The following RNF217 variants were observed in gnomAD, a reference collection of about 807,000 sequenced individuals.
RNF217 encodes the protein E3 ubiquitin-protein ligase RNF217.
In RNF217, 31 loss-of-function variants were observed where a neutral mutation model predicts 57.8. The ratio of observed to expected loss-of-function variants is 0.54; its 90% confidence interval spans 0.40 to 0.72. The LOEUF is 0.72. Ranked by LOEUF, RNF217 falls within the 30% of genes least tolerant of loss-of-function variation. The probability of loss-of-function intolerance (pLI) is 0.00; values close to 1 mark genes in which losing one functional copy is unlikely to be tolerated. For missense variants in RNF217, 696 were observed against 708.3 expected (o/e 0.98, Z 0.20); for synonymous variants, 313 against 294.0 (o/e 1.06, Z -0.66).
chr6:125,075,940 A>G lies in RNF217; in HGVS notation c.1282-717A>G, dbSNP rs568125320. On this transcript the variant is annotated intron_variant, in intron 3 of 5. Coordinates refer to ENST00000521654, the MANE Select transcript of RNF217 (RefSeq NM_001286398.3). ...GTGTATGTATATATACCATACCACC[A>G]CTGTATGGTATATATGGTATACATA... Among the ~76,000 whole-genome samples, 47 of 152,180 alleles carry G rather than the reference A, an allele frequency of 3.1e-4. No homozygotes were observed. The South Asian group carries it at 9.5e-3, about 31-fold the overall frequency.
At chr6:124,973,377 T>C (rs1388518087) in intron 1 of RNF217, among the ~76,000 whole-genome samples, 1 of 152,226 alleles carries the variant, frequency 6.6e-6, no homozygotes, top group African/African-American at 2.4e-5. Flanking sequence ...TCCTTTTCAC[T>C]CTGCCACCAC....
At chr6:125,066,941 C>T (rs1480271763) in intron 3 of RNF217, among the ~76,000 whole-genome samples, 1 of 152,112 alleles carries the variant, frequency 6.6e-6, no homozygotes, top group Admixed American at 6.6e-5. Flanking sequence ...GAAGGGGAGA[C>T]ATAGTCCTTA....
intron 1 of RNF217, among the ~76,000 whole-genome samples, chr6:125,026,512 C>G (rs1235363734): frequency 6.6e-6 from 1 of 152,154 alleles, no homozygotes; most frequent in Non-Finnish European, 1.5e-5. Context: ...TAGGATGATA[C>G]AATTCAAGCC....
intron 1 of RNF217, among the ~76,000 whole-genome samples, chr6:125,023,795 A>C (rs1423388597): frequency 1.3e-5 from 2 of 152,188 alleles, no homozygotes; most frequent in African/African-American, 2.4e-5. Context: ...CCTGGAGGAC[A>C]TTACGTTGAG....
intron 1 of RNF217, among the ~76,000 whole-genome samples, chr6:125,020,927 C>A (rs1785813106): frequency 6.6e-6 from 1 of 151,966 alleles, no homozygotes; most frequent in Non-Finnish European, 1.5e-5. Context: ...TGTATTTTTT[C>A]ATTTGTATGC....
rs1251445967 is a variant in RNF217 at position 125,087,038 on chromosome 6, C to T, written c.*4101C>T. 6.6e-6 allele frequency: 1 copy of T among 152,002 alleles called. No homozygotes were observed. Among genetic ancestry groups the T allele is most frequent in the Non-Finnish European group, 1.5e-5 (1 of 67,982 alleles). 9.4% of individuals were successfully genotyped at this position (152,002 alleles called of 1,614,324 possible). On this transcript the variant is annotated 3_prime_UTR_variant, in exon 6 of 6. Transcript: ENST00000521654. ...CATACCTCTGCTATTCTAACTATTCCTCTTCACTGAAGGAGAAGAGGAGAG... is the reference window on the plus strand; with the variant it reads ...CATACCTCTGCTATTCTAACTATTCTTCTTCACTGAAGGAGAAGAGGAGAG...
chr6:125,014,876 T>A (rs896736329), intron 1 of RNF217, among the ~76,000 whole-genome samples: 1 of 152,198 alleles, frequency 6.6e-6, no homozygotes, highest in African/African-American at 2.4e-5. Flanking sequence ...TGTGCTTGAC[T>A]GAACTTTTGA....
intron 1 of RNF217, among the ~76,000 whole-genome samples, chr6:124,993,132 C>A (rs1471087115): frequency 2.6e-5 from 4 of 152,118 alleles, no homozygotes; most frequent in African/African-American, 7.2e-5. Flanking sequence ...TTCTTTTGGT[C>A]TCTACTGCTG....
chr6:125,017,579 G>T (rs990151854), intron 1 of RNF217, among the ~76,000 whole-genome samples: 1 of 152,162 alleles, frequency 6.6e-6, no homozygotes, highest in Non-Finnish European at 1.5e-5. Context: ...ATCTTATTAT[G>T]AGAAGTGTTC....
chr6:125,081,147 C>G (rs1315068582), intron 4 of RNF217, among the ~76,000 whole-genome samples: 1 of 152,092 alleles, frequency 6.6e-6, no homozygotes, highest in South Asian at 2.1e-4. Context: ...CAAAGATGAA[C>G]TGTCCTGGTA....
chr6:125,007,032 TTAAG>T lies in RNF217; in HGVS notation c.883-38176_883-38173del, dbSNP rs547773387. Among the ~76,000 whole-genome samples, 221 of 152,366 alleles carry T rather than the reference TTAAG, an allele frequency of 1.5e-3. 1 individual carries two copies. Among genetic ancestry groups the T allele is most frequent in the African/African-American group, 5.0e-3 (210 of 41,590 alleles). On this transcript the variant is annotated intron_variant, in intron 1 of 5. Coordinates refer to ENST00000521654, the MANE Select transcript of RNF217 (RefSeq NM_001286398.3). ...TTTATTTGTTCTGTTACAGTAATTA[TTAAG>T]TATGTAAATAAAGTTCTAGACAATT... is the stretch of plus-strand genomic sequence containing the variant.
chr6:125,024,765 T>C (rs1323988159), intron 1 of RNF217, among the ~76,000 whole-genome samples: 5 of 145,166 alleles, frequency 3.4e-5, no homozygotes, highest in African/African-American at 1.3e-4. Flanking sequence ...CAGGGGGACA[T>C]GGGAAGTGAT....
intron 1 of RNF217, among the ~76,000 whole-genome samples, chr6:125,044,495 C>G (rs888555027): frequency 6.6e-6 from 1 of 152,064 alleles, no homozygotes; most frequent in Non-Finnish European, 1.5e-5. Context: ...ATCCTCCCTT[C>G]TCTCCTAATC....
chr6:125,086,588 C>T lies in RNF217; in HGVS notation c.*3651C>T, dbSNP rs564133211. ...CCAGAAAAATACATTAGATTATGTA[C>T]GATTTAGTGATTTGGTGGGATAATT... On this transcript the variant is annotated 3_prime_UTR_variant, in exon 6 of 6. Coordinates refer to ENST00000521654, the MANE Select transcript of RNF217 (RefSeq NM_001286398.3). The T allele has an allele frequency of 3.9e-5, 6 of 152,006 alleles. No individual in the cohort carries two copies. The highest frequency in any genetic ancestry group is 2.1e-4 in the South Asian group (1 of 4,808). The allele number at this position is 152,006 out of a possible 1,614,324, so 9.4% of individuals were successfully genotyped here.
At chr6:125,081,553 A>G in intron 5 of RNF217, 46 bp downstream of exon 5, 1 of 1,430,746 alleles carries the variant, frequency 7.0e-7, no homozygotes, top group South Asian at 1.2e-5. Context: ...TCTGAGGGCC[A>G]TAGAGAGAAT....
At chr6:125,018,169 G>A (rs1048692782) in intron 1 of RNF217, among the ~76,000 whole-genome samples, 1 of 152,168 alleles carries the variant, frequency 6.6e-6, no homozygotes, top group Non-Finnish European at 1.5e-5. Context: ...ATTAGAGGTA[G>A]TGTAGAATCA....
intron 1 of RNF217, among the ~76,000 whole-genome samples, chr6:125,000,259 TA>T (rs1260829006): frequency 6.6e-6 from 1 of 152,198 alleles, no homozygotes; most frequent in Non-Finnish European, 1.5e-5. Flanking sequence ...ACTAAAAATG[TA>T]TTCTGTTGAA....
rs185517795 is a variant in RNF217 at position 125,021,121 on chromosome 6, T to C, written c.883-24090T>C. On this transcript the variant is annotated intron_variant, in intron 1 of 5. Transcript: ENST00000521654. The stretch of plus-strand genomic sequence containing the variant: ...CTAAGGAAACACAGAATGAACTTTA[T>C]GCAAAAGTTATTCATCCCACATTAT... Among the ~76,000 whole-genome samples, 187 of 152,288 alleles carry C rather than the reference T, an allele frequency of 1.2e-3. 2 individuals carry two copies. The highest frequency in any genetic ancestry group is 4.3e-3 in the African/African-American group (178 of 41,556).
chr6:125,014,508 C>T (rs537904839), intron 1 of RNF217, among the ~76,000 whole-genome samples: 59 of 152,096 alleles, frequency 3.9e-4, no homozygotes, highest in Non-Finnish European at 7.4e-4. Flanking sequence ...GTGTATATGC[C>T]TTTCTGATGC....
Sources: gnomAD v4.1 joint callset for allele counts (sites outside exome capture counted in the v4.1 genomes callset) on GRCh38, gnomAD v4.1.1 for gene constraint, MANE v1.5 for transcripts, NCBI Gene and HGNC (gene_info 2026-07-23, HGNC 2026-07-21) for gene names.